Variants in STXBP5L observed in about 807,000 individuals in gnomAD.
The protein encoded by STXBP5L is syntaxin binding protein 5L.
STXBP5L carries 65 observed loss-of-function variants against 144.5 expected under a neutral mutation model. That is an observed-to-expected ratio of 0.45 (90% CI 0.37 to 0.55). The LOEUF (loss-of-function observed/expected upper bound fraction) is 0.55. STXBP5L is among the 20% of genes least tolerant of loss of function. The pLI is 0.00. For synonymous variants in STXBP5L, 505 were observed against 469.6 expected (o/e 1.08, Z -0.97); for missense variants, 1,298 against 1,405.5 (o/e 0.92, Z 1.22).
chr3:121,090,647 A>C (rs1248054037), intron 5 of STXBP5L, among the ~76,000 whole-genome samples: 2 of 152,038 alleles, frequency 1.3e-5, no homozygotes, highest in Admixed American at 6.6e-5. Flanking sequence ...ATTGTCTAAA[A>C]ATTTTTGTAC....
chr3:121,395,232 C>A (rs1431151381), intron 22 of STXBP5L, among the ~76,000 whole-genome samples: 3 of 152,120 alleles, frequency 2.0e-5, no homozygotes, highest in Admixed American at 1.3e-4. Flanking sequence ...AATTTTACAT[C>A]TTTTTTCAGG....
intron 3 of STXBP5L, among the ~76,000 whole-genome samples, chr3:120,998,869 G>A (rs1026889838): frequency 6.6e-6 from 1 of 152,140 alleles, no homozygotes; most frequent in African/African-American, 2.4e-5. Flanking sequence ...AGTGAGAGCT[G>A]ACAGAAATGA....
chr3:121,273,891 T>C (rs1278738238), intron 18 of STXBP5L, among the ~76,000 whole-genome samples: 1 of 152,134 alleles, frequency 6.6e-6, no homozygotes, highest in Non-Finnish European at 1.5e-5. Flanking sequence ...TGGTTCTTTT[T>C]TGTGATTTCT....
intron 7 of STXBP5L, among the ~76,000 whole-genome samples, chr3:121,141,153 C>T (rs1175793322): frequency 6.6e-6 from 1 of 152,058 alleles, no homozygotes; most frequent in Non-Finnish European, 1.5e-5. Flanking sequence ...ACCTGTAATC[C>T]CAGCACTTGT....
At chr3:121,129,951 A>T (rs1294255963) in intron 7 of STXBP5L, among the ~76,000 whole-genome samples, 1 of 152,092 alleles carries the variant, frequency 6.6e-6, no homozygotes, top group Admixed American at 6.6e-5. Flanking sequence ...AAGCATAAGC[A>T]ATTTTACTTC....
intron 22 of STXBP5L, among the ~76,000 whole-genome samples, chr3:121,395,102 T>G (rs2046696238): frequency 6.6e-6 from 1 of 152,176 alleles, no homozygotes; most frequent in Non-Finnish European, 1.5e-5. Flanking sequence ...ACTAGATATA[T>G]AGTTCTTTTC....
intron 10 of STXBP5L, among the ~76,000 whole-genome samples, chr3:121,222,544 C>G (rs1221688138): frequency 6.6e-6 from 1 of 152,144 alleles, no homozygotes; most frequent in Non-Finnish European, 1.5e-5. Context: ...CCATTCTGAG[C>G]TTTCCACTGT....
At chr3:121,270,292 A>G (rs896466080) in intron 18 of STXBP5L, among the ~76,000 whole-genome samples, 5 of 150,212 alleles carry the variant, frequency 3.3e-5, no homozygotes, top group Non-Finnish European at 1.5e-5. Flanking sequence ...GAAATTCAAC[A>G]TTGATTCAGG....
At chr3:121,253,811 T>TC (rs1405922641) in intron 15 of STXBP5L, among the ~76,000 whole-genome samples, 16 of 55,316 alleles carry the variant, frequency 2.9e-4, no homozygotes, top group African/African-American at 1.0e-3. Context: ...TTTTTTTTTC[T>TC]TTTTTTTTTT....
chr3:121,306,251 C>G (rs981780698), intron 19 of STXBP5L, among the ~76,000 whole-genome samples: 6 of 152,162 alleles, frequency 3.9e-5, no homozygotes, highest in Admixed American at 1.3e-4. Flanking sequence ...TTCCTCTCCC[C>G]CTTCCAGGTT....
Position 121,239,580 on chromosome 3 carries a change from G to C in STXBP5L, c.1332+462G>C, listed in dbSNP as rs537770127. 1.4e-4 allele frequency among the ~76,000 whole-genome samples: 21 copies of C among 151,044 alleles called. No individual in the cohort carries two copies. The East Asian group carries it at 1.8e-3, about 13-fold the overall frequency. On this transcript the variant is annotated intron_variant, in intron 13 of 26. Coordinates refer to ENST00000471454, the MANE Select transcript of STXBP5L (RefSeq NM_001308330.2). ...GTAGGGACATGGATGAAATTGGAAAGCATCATTCTCAGTAAACTATCGCAA... is the reference window on the plus strand; with the variant it reads ...GTAGGGACATGGATGAAATTGGAAACCATCATTCTCAGTAAACTATCGCAA...
intron 9 of STXBP5L, among the ~76,000 whole-genome samples, chr3:121,171,438 G>A (rs577142792): frequency 6.6e-6 from 1 of 152,280 alleles, no homozygotes; most frequent in African/African-American, 2.4e-5. Flanking sequence ...CAGATGACAT[G>A]ATTTTATATT....
intron 9 of STXBP5L, among the ~76,000 whole-genome samples, chr3:121,176,235 AG>A (rs1425290075): frequency 2.0e-5 from 3 of 152,062 alleles, no homozygotes; most frequent in Admixed American, 6.6e-5. Flanking sequence ...ACACAAGAGT[AG>A]CAGAATGCAC....
At chr3:121,302,437 C>G (rs2051955412) in intron 19 of STXBP5L, among the ~76,000 whole-genome samples, 1 of 151,924 alleles carries the variant, frequency 6.6e-6, no homozygotes, top group Admixed American at 6.6e-5. Flanking sequence ...TTTCTCTTTT[C>G]TTCTTTATTA....
intron 9 of STXBP5L, among the ~76,000 whole-genome samples, chr3:121,163,950 G>C (rs1236952507): frequency 6.6e-6 from 1 of 152,046 alleles, no homozygotes; most frequent in Non-Finnish European, 1.5e-5. Context: ...CAGGTTTATT[G>C]GGGTATAGTT....
intron 5 of STXBP5L, among the ~76,000 whole-genome samples, chr3:121,067,020 TTAC>T (rs1178382745): frequency 6.6e-6 from 1 of 152,130 alleles, no homozygotes; most frequent in Non-Finnish European, 1.5e-5. Context: ...CTGTAGTAGT[TTAC>T]TATTTTCAAT....
intron 19 of STXBP5L, among the ~76,000 whole-genome samples, chr3:121,309,397 GAAT>G (rs1175598822): frequency 1.3e-5 from 2 of 151,928 alleles, no homozygotes; most frequent in African/African-American, 4.8e-5. Context: ...AATGTCACTA[GAAT>G]AAAAAGTGAC....
intron 9 of STXBP5L, among the ~76,000 whole-genome samples, chr3:121,168,273 T>C (rs1194849800): frequency 1.3e-5 from 2 of 152,064 alleles, no homozygotes; most frequent in African/African-American, 4.8e-5. Flanking sequence ...GGATGGCTCT[T>C]CTTCTCCTTC....
At chr3:121,362,510 C>T (rs2045741436) in intron 20 of STXBP5L, among the ~76,000 whole-genome samples, 1 of 152,182 alleles carries the variant, frequency 6.6e-6, no homozygotes, top group African/African-American at 2.4e-5. Flanking sequence ...CCCATAGCCG[C>T]CACCACCCCA....
Sources: gnomAD v4.1 joint callset for allele counts (sites outside exome capture counted in the v4.1 genomes callset) on GRCh38, gnomAD v4.1.1 for gene constraint, MANE v1.5 for transcripts, NCBI Gene and HGNC (gene_info 2026-07-23, HGNC 2026-07-21) for gene names.